Variants in RASEF observed in about 807,000 individuals in gnomAD.
The protein encoded by RASEF is ras and EF-hand domain-containing protein.
In RASEF, 68 loss-of-function variants were observed where a neutral mutation model predicts 90.1. That is an observed-to-expected ratio of 0.75 (90% CI 0.62 to 0.92). The LOEUF is 0.92. RASEF is among the 40% of genes least tolerant of loss of function. The pLI is 0.00. For missense variants in RASEF, 949 were observed against 937.2 expected (o/e 1.01, Z -0.16); for synonymous variants, 331 against 345.2 (o/e 0.96, Z 0.46).
chr9:83,076,863 AT>A, the RASEF span, among the ~76,000 whole-genome samples: 21 of 152,168 alleles, frequency 1.4e-4, no homozygotes, highest in South Asian at 1.5e-3. Context: ...ACAAGTCCTG[AT>A]TTTTTTTCCC....
chr9:83,039,258 CTT>C (rs778171197), intron 1 of RASEF, among the ~76,000 whole-genome samples: 1 of 152,126 alleles, frequency 6.6e-6, no homozygotes, highest in Non-Finnish European at 1.5e-5. Context: ...CCCTGCCACT[CTT>C]TATCTGAGTT....
chr9:83,089,970 A>G, the RASEF span, among the ~76,000 whole-genome samples: 1 of 152,212 alleles, frequency 6.6e-6, no homozygotes, highest in African/African-American at 2.4e-5. Flanking sequence ...ATATAGATAG[A>G]TGCATATGTT....
chr9:83,064,057 CT>C (rs1275940972), upstream of RASEF, among the ~76,000 whole-genome samples: 3 of 152,060 alleles, frequency 2.0e-5, no homozygotes, highest in African/African-American at 7.2e-5. Context: ...CTGTATTTTT[CT>C]TTTATCTCAT....
the RASEF span, among the ~76,000 whole-genome samples, chr9:83,125,675 T>C: frequency 6.6e-6 from 1 of 152,202 alleles, no homozygotes; most frequent in African/African-American, 2.4e-5. Context: ...TCGTTTTTTA[T>C]TCTTTAGCCC....
At chr9:83,060,513 A>G (rs1211490385) in intron 1 of RASEF, among the ~76,000 whole-genome samples, 1 of 152,238 alleles carries the variant, frequency 6.6e-6, no homozygotes, top group Non-Finnish European at 1.5e-5. Context: ...CTAGGACAGT[A>G]CCTAAGCCAG....
At chr9:83,160,823 G>C in the RASEF span, among the ~76,000 whole-genome samples, 1 of 152,140 alleles carries the variant, frequency 6.6e-6, no homozygotes, top group Non-Finnish European at 1.5e-5. Flanking sequence ...GAGATTTGGT[G>C]CCCTGTGTCC....
intron 1 of RASEF, among the ~76,000 whole-genome samples, chr9:83,028,805 T>C (rs2118587965): frequency 6.6e-6 from 1 of 152,314 alleles, no homozygotes; most frequent in South Asian, 2.1e-4. Context: ...AATGTGACTA[T>C]ATTTGGAAAT....
the RASEF span, among the ~76,000 whole-genome samples, chr9:83,190,075 T>C: frequency 6.6e-6 from 1 of 152,308 alleles, no homozygotes; most frequent in African/African-American, 2.4e-5. Flanking sequence ...TTCCTTGTAC[T>C]AGCTTTATTC....
the RASEF span, among the ~76,000 whole-genome samples, chr9:83,082,282 T>C: frequency 3.3e-5 from 5 of 152,176 alleles, no homozygotes. Context: ...GATAATTTCC[T>C]AATTAGAGAA....
intron 16 of RASEF, among the ~76,000 whole-genome samples, chr9:82,986,861 A>C (rs1479339379): frequency 6.6e-6 from 1 of 152,168 alleles, no homozygotes; most frequent in African/African-American, 2.4e-5. Flanking sequence ...TTTACTTACT[A>C]ATGGGACAAT....
At chr9:83,152,062 GA>G in the RASEF span, among the ~76,000 whole-genome samples, 1 of 152,114 alleles carries the variant, frequency 6.6e-6, no homozygotes, top group South Asian at 2.1e-4. Context: ...GTAAGACTAT[GA>G]TCTCCTTGAG....
rs1829110122 is a variant in RASEF, at chr9:83,005,361, C to A, written c.1113+55G>T. 3 of 1,283,402 alleles carry A rather than the reference C, an allele frequency of 2.3e-6. No homozygotes were observed. In the Admixed American group the frequency reaches 5.1e-5, roughly 22 times the overall value. 79.5% of individuals were successfully genotyped at this position (1,283,402 alleles called of 1,614,324 possible). A position where few individuals can be genotyped will look rare whatever the true frequency, so the allele number is the denominator to read the frequency against. ...GAAATTACATTATTTTCATCAACAC[C>A]AAAATACTCCACCACTAGAAAGAAT... On this transcript the variant is annotated intron_variant, in intron 8 of 16. Transcript: ENST00000376447.
the RASEF span, among the ~76,000 whole-genome samples, chr9:83,134,880 T>C: frequency 6.6e-6 from 1 of 152,186 alleles, no homozygotes; most frequent in Non-Finnish European, 1.5e-5. Context: ...ACCAGTGGTA[T>C]CTCTATATCA....
the RASEF span, among the ~76,000 whole-genome samples, chr9:83,076,190 C>A: frequency 6.6e-6 from 1 of 151,684 alleles, no homozygotes. Context: ...AATCTAAAGC[C>A]ACTCCTATTC....
At chr9:83,197,283 C>A in the RASEF span, among the ~76,000 whole-genome samples, 2 of 152,322 alleles carry the variant, frequency 1.3e-5, no homozygotes, top group South Asian at 4.1e-4. Flanking sequence ...GCCAGACACT[C>A]CCTCCTTCCT....
At chr9:83,125,666 C>T in the RASEF span, among the ~76,000 whole-genome samples, 3 of 152,126 alleles carry the variant, frequency 2.0e-5, no homozygotes, top group Admixed American at 1.3e-4. Flanking sequence ...TTAATGAAGT[C>T]GTTTTTTATT....
At chr9:83,218,216 G>A in the RASEF span, among the ~76,000 whole-genome samples, 78 of 152,304 alleles carry the variant, frequency 5.1e-4, no homozygotes, top group African/African-American at 1.6e-3. Flanking sequence ...AGTACCAAGT[G>A]TGCACGTGGA....
At chr9:83,129,205 G>A in the RASEF span, among the ~76,000 whole-genome samples, 1 of 152,166 alleles carries the variant, frequency 6.6e-6, no homozygotes, top group South Asian at 2.1e-4. Context: ...AGGAGATCGA[G>A]ATCATCCTGT....
upstream of RASEF, among the ~76,000 whole-genome samples, chr9:83,068,125 G>T (rs1830297346): frequency 6.6e-6 from 1 of 152,164 alleles, no homozygotes; most frequent in African/African-American, 2.4e-5. Flanking sequence ...GCCTGACTCG[G>T]CCTTCTGAAG....
Sources: allele counts gnomAD v4.1 joint callset (sites outside exome capture counted in the v4.1 genomes callset), GRCh38; gene constraint gnomAD v4.1.1; transcripts MANE v1.5; gene names NCBI Gene and HGNC (gene_info 2026-07-23, HGNC 2026-07-21).